The following FAM163A variants were observed in gnomAD, a reference collection of about 807,000 sequenced individuals.
FAM163A encodes the protein protein FAM163A.
A neutral mutation model predicts 12.0 loss-of-function variants in FAM163A; 7 were observed. The ratio of observed to expected loss-of-function variants is 0.58; its 90% CI spans 0.33 to 1.10. FAM163A has a LOEUF of 1.10. Among genes scored for constraint, FAM163A ranks in the 50% least tolerant of loss-of-function variants. The probability of loss-of-function intolerance (pLI) is 0.03; values close to 1 mark genes in which losing one functional copy is unlikely to be tolerated. For synonymous variants in FAM163A, 101 were observed against 91.0 expected (o/e 1.11, Z -0.62); for missense variants, 202 against 218.6 (o/e 0.92, Z 0.48).
At chr1:179,743,286 A>G (rs1026786322), upstream of FAM163A, 7 of 152,306 alleles carry the variant, frequency 4.6e-5, no homozygotes, top group Non-Finnish European at 1.0e-4. Context: ...CGCCCGGAGC[A>G]GGGCAGTCCT....
At chr1:179,813,573 T>A (rs1277786466) in intron 4 of FAM163A, among the ~76,000 whole-genome samples, 1 of 152,124 alleles carries the variant, frequency 6.6e-6, no homozygotes, top group Admixed American at 6.5e-5. Flanking sequence ...CTGGAGTTAC[T>A]GCGAGGAGTG....
At chr1:179,759,663 A>G (rs2487745) in intron 1 of FAM163A, among the ~76,000 whole-genome samples, 114,103 of 151,538 alleles carry the variant, frequency 0.75, 43,361 homozygotes, top group East Asian at 1. Context: ...GTAGGCAGGA[A>G]CTAGATCCCC....
At chr1:179,766,565 C>T (rs1431363623) in intron 1 of FAM163A, among the ~76,000 whole-genome samples, 1 of 152,204 alleles carries the variant, frequency 6.6e-6, no homozygotes, top group Non-Finnish European at 1.5e-5. Flanking sequence ...CTCCCAGATA[C>T]ACATGTTAAA....
intron 1 of FAM163A, among the ~76,000 whole-genome samples, chr1:179,801,820 G>A (rs1482251160): frequency 6.6e-6 from 1 of 152,232 alleles, no homozygotes; most frequent in Admixed American, 6.5e-5. Flanking sequence ...AGAATGTGCA[G>A]ATACCAGGCA....
chr1:179,768,405 A>T (rs1466639435), intron 1 of FAM163A, among the ~76,000 whole-genome samples: 2 of 152,170 alleles, frequency 1.3e-5, no homozygotes, highest in African/African-American at 4.8e-5. Flanking sequence ...GTTTGTACAG[A>T]TTTTTATTAT....
intron 1 of FAM163A, among the ~76,000 whole-genome samples, chr1:179,786,844 CTG>C (rs145345572): frequency 0.025 from 3,805 of 152,226 alleles, 174 homozygotes; most frequent in African/African-American, 0.087. Context: ...CCTTAAGTAT[CTG>C]TGTGTATTTC....
intron 1 of FAM163A, among the ~76,000 whole-genome samples, chr1:179,785,169 C>T (rs1690422323): frequency 6.6e-6 from 1 of 152,182 alleles, no homozygotes; most frequent in Admixed American, 6.5e-5. Flanking sequence ...ACAACTCCCA[C>T]CCCCCATTCC....
intron 1 of FAM163A, among the ~76,000 whole-genome samples, chr1:179,794,223 G>A (rs1391104558): frequency 6.6e-6 from 1 of 152,216 alleles, no homozygotes; most frequent in African/African-American, 2.4e-5. Context: ...AGGAGTTAAA[G>A]GGGAGAAGAC....
intron 1 of FAM163A, among the ~76,000 whole-genome samples, chr1:179,788,946 G>A (rs112658761): frequency 0.01 from 1,564 of 152,250 alleles, 11 homozygotes; most frequent in Non-Finnish European, 0.015. Context: ...GCCCTTGCTT[G>A]CCCACCAGTG....
In FAM163A at chr1:179,762,355, T is replaced by C. The variant is rs372335711; in HGVS notation, c.-136+18932T>C. On this transcript the variant is annotated intron_variant, in intron 1 of 4. Coordinates refer to ENST00000341785, the MANE Select transcript of FAM163A (RefSeq NM_173509.3). ...CCAGGGCTGCAGAGAATTGGGATCA[T>C]GCTGGGTATGTGGGTCAGTCAGTCC... Among the ~76,000 whole-genome samples the C allele has an allele frequency of 1.1e-4, 17 of 152,292 alleles. No individual in the cohort carries two copies. The East Asian group carries it at 2.5e-3, about 22-fold the overall frequency.
chr1:179,783,593 G>T (rs1690108494), intron 1 of FAM163A, among the ~76,000 whole-genome samples: 1 of 151,352 alleles, frequency 6.6e-6, no homozygotes, highest in Non-Finnish European at 1.5e-5. Context: ...GTGAGGTATG[G>T]AAAGGTTTAA....
chr1:179,765,582 C>T (rs1331058254), intron 1 of FAM163A, among the ~76,000 whole-genome samples: 1 of 150,808 alleles, frequency 6.6e-6, no homozygotes, highest in African/African-American at 2.4e-5. Flanking sequence ...GTGAAGCCAT[C>T]GGGGCATGAA....
intron 1 of FAM163A, among the ~76,000 whole-genome samples, chr1:179,775,980 G>C (rs1382987270): frequency 6.6e-6 from 1 of 152,292 alleles, no homozygotes; most frequent in Non-Finnish European, 1.5e-5. Context: ...CAGCAGACAA[G>C]CCTGAATGAA....
chr1:179,751,706 GA>G (rs1017075436), intron 1 of FAM163A, among the ~76,000 whole-genome samples: 11 of 151,260 alleles, frequency 7.3e-5, no homozygotes, highest in South Asian at 2.1e-4. Context: ...AGAAGAAAAA[GA>G]AAAAAAAGCC....
chr1:179,762,477 C>T (rs1686953728), intron 1 of FAM163A, among the ~76,000 whole-genome samples: 1 of 152,194 alleles, frequency 6.6e-6, no homozygotes, highest in Admixed American at 6.5e-5. Context: ...CTTACAAGGT[C>T]CTTCCCTGTC....
rs988269826 is a variant in FAM163A at position 179,778,404 on chromosome 1, T to C, written c.-135-29394T>C. ...CCCAAGCACCTACTTGTGAACAGCA[T>C]TTTATGGAATAAAAGGCCAAATGGG... On this transcript the variant is annotated intron_variant, in intron 1 of 4. Transcript: ENST00000341785. Among the ~76,000 whole-genome samples, 3 of 152,152 alleles carry C rather than the reference T, an allele frequency of 2.0e-5. No individual in the cohort carries two copies. In the East Asian group the frequency reaches 5.8e-4, roughly 29 times the overall value.
chr1:179,775,785 T>G (rs946565698), intron 1 of FAM163A, among the ~76,000 whole-genome samples: 48 of 152,200 alleles, frequency 3.2e-4, no homozygotes, highest in African/African-American at 1.1e-3. Flanking sequence ...CAGAATACTT[T>G]GAGGACTCTC....
In FAM163A at chr1:179,745,057, GA is replaced by G. The variant is rs1473142576; in HGVS notation, c.-136+1638del. Among the ~76,000 whole-genome samples, 7 of 152,294 alleles carry G rather than the reference GA, an allele frequency of 4.6e-5. No homozygotes were observed. In the South Asian group the frequency reaches 1.5e-3, roughly 32 times the overall value. The stretch of plus-strand genomic sequence containing the variant: ...AAGGAACAGTAAAGGTACATGCTCT[GA>G]AAACAGATTTTCTTAGCCTTCTCTA... On this transcript the variant is annotated intron_variant, in intron 1 of 4. Transcript: ENST00000341785.
intron 1 of FAM163A, among the ~76,000 whole-genome samples, chr1:179,745,968 A>C (rs899045562): frequency 2.6e-5 from 4 of 152,202 alleles, no homozygotes; most frequent in African/African-American, 9.7e-5. Flanking sequence ...TTATAACCCC[A>C]TTAGACTCTA....
Sources: allele counts gnomAD v4.1 joint callset (sites outside exome capture counted in the v4.1 genomes callset), GRCh38; gene constraint gnomAD v4.1.1; transcripts MANE v1.5; gene names NCBI Gene and HGNC (gene_info 2026-07-23, HGNC 2026-07-21).